The following SLCO1A2 variants were observed in gnomAD, a reference collection of about 807,000 sequenced individuals.
SLCO1A2 encodes OATP-1.
Under a neutral mutation model 69.0 loss-of-function variants are expected in SLCO1A2, and 67 were observed. The observed-to-expected ratio is 0.97, with a 90% CI of 0.80 to 1.19. SLCO1A2 has a LOEUF of 1.19. Ranked by LOEUF, SLCO1A2 falls within the 50% of genes most tolerant of loss-of-function variation. SLCO1A2 has a pLI of 0.00. For synonymous variants in SLCO1A2, 260 were observed against 265.9 expected (o/e 0.98, Z 0.22); for missense variants, 787 against 793.7 (o/e 0.99, Z 0.10).
intron 1 of SLCO1A2, among the ~76,000 whole-genome samples, chr12:21,401,073 C>A (rs1299930890): frequency 6.6e-6 from 1 of 151,266 alleles, no homozygotes; most frequent in Non-Finnish European, 1.5e-5. Context: ...ATAAAGGTTC[C>A]CAGCTAATAT....
In SLCO1A2 at chr12:21,292,340, C is replaced by A; in HGVS notation, c.1438-4G>T. 1 of 1,600,956 alleles carries A rather than the reference C, an allele frequency of 6.2e-7. No individual in the cohort carries two copies. Among genetic ancestry groups the A allele is most frequent in the Admixed American group, 1.8e-5 (1 of 57,036 alleles). ...TACAGCTGCAATTTTGGAACACCTG[C>A]CAAAAAATAACATATTATACTAAGA... is the stretch of plus-strand genomic sequence containing the variant. On this transcript the variant is annotated splice_region_variant and splice_polypyrimidine_tract_variant and intron_variant, in intron 11 of 14. Coordinates refer to ENST00000683939, the MANE Select transcript of SLCO1A2 (RefSeq NM_001386879.1).
chr12:21,309,785 T>C (rs1949877449), intron 4 of SLCO1A2, among the ~76,000 whole-genome samples: 1 of 151,960 alleles, frequency 6.6e-6, no homozygotes, highest in Non-Finnish European at 1.5e-5. Flanking sequence ...AAAAAGCAAA[T>C]TCTCAAGGAT....
chr12:21,312,909 A>G (rs374798940), intron 4 of SLCO1A2, among the ~76,000 whole-genome samples: 12 of 152,076 alleles, frequency 7.9e-5, no homozygotes, highest in African/African-American at 2.9e-4. Context: ...TCCTGTCTCT[A>G]CCAAAAAAAT....
At position 21,409,902 on chromosome 12, in the gene SLCO1A2, G is replaced by T. The variant is rs145682315; in HGVS notation, c.-312+7980C>A. On this transcript the variant is annotated intron_variant, in intron 1 of 4. Transcript: ENST00000413682. ...CAATGAGCATTAATTTGTCAGGTGT[G>T]GTGTCCCATACATTTTTTCCTGTGC... Among the ~76,000 whole-genome samples the T allele has an allele frequency of 3.3e-3, 498 of 152,064 alleles. 6 individuals carry two copies. The highest frequency in any genetic ancestry group is 0.011 in the African/African-American group (476 of 41,464).
In SLCO1A2 at chr12:21,303,972, A is replaced by G. The variant is rs114925264; in HGVS notation, c.589+455T>C. Among the ~76,000 whole-genome samples the G allele has an allele frequency of 8.5e-3, 1,294 of 152,312 alleles. 13 individuals are homozygous for G. The highest frequency in any genetic ancestry group is 0.028 in the African/African-American group (1,181 of 41,556). Reference sequence around the variant, plus strand: ...ATTAAAACAATGCTTGAGAAAAATTATATTGCAAGAATGTTTCTTAAAAAC... The same window carrying G: ...ATTAAAACAATGCTTGAGAAAAATTGTATTGCAAGAATGTTTCTTAAAAAC... On this transcript the variant is annotated intron_variant, in intron 6 of 14. Coordinates refer to ENST00000683939, the MANE Select transcript of SLCO1A2 (RefSeq NM_001386879.1).
chr12:21,364,559 A>T (rs1254694635), intron 2 of SLCO1A2, among the ~76,000 whole-genome samples: 1 of 152,204 alleles, frequency 6.6e-6, no homozygotes, highest in East Asian at 1.9e-4. Context: ...GCAATCAGGG[A>T]AGAGAAAGAA....
chr12:21,339,054 T>C (rs187662450), upstream of SLCO1A2, among the ~76,000 whole-genome samples: 11 of 152,154 alleles, frequency 7.2e-5, no homozygotes, highest in Admixed American at 7.2e-4. Context: ...TTTGCAAGAT[T>C]GTCATGAAGA....
chr12:21,411,453 T>C (rs188324111), intron 1 of SLCO1A2, among the ~76,000 whole-genome samples: 3 of 152,208 alleles, frequency 2.0e-5, no homozygotes, highest in African/African-American at 2.4e-5. Context: ...GCTCATTCTA[T>C]TACACTGTGT....
chr12:21,272,151 C>CT (rs1246384788), intron 14 of SLCO1A2, among the ~76,000 whole-genome samples: 4 of 151,188 alleles, frequency 2.6e-5, no homozygotes, highest in Non-Finnish European at 4.4e-5. Flanking sequence ...GGTATCAATA[C>CT]TTTTTTTTAA....
intron 12 of SLCO1A2, among the ~76,000 whole-genome samples, chr12:21,288,180 G>A (rs1036562656): frequency 2.0e-5 from 3 of 152,104 alleles, no homozygotes; most frequent in Non-Finnish European, 4.4e-5. Flanking sequence ...GATAGCTCAT[G>A]CCTGTAATCC....
At chr12:21,286,005 C>T (rs1945714163) in intron 12 of SLCO1A2, among the ~76,000 whole-genome samples, 1 of 152,060 alleles carries the variant, frequency 6.6e-6, no homozygotes, top group South Asian at 2.1e-4. Flanking sequence ...GAAGTTCTGG[C>T]CAGGGCAATC....
chr12:21,408,707 C>CGCAT (rs1458943128), intron 1 of SLCO1A2, among the ~76,000 whole-genome samples: 1 of 118,268 alleles, frequency 8.5e-6, no homozygotes, highest in Non-Finnish European at 1.8e-5. Flanking sequence ...GCTGCCTCAG[C>CGCAT]GCATGCGTGT....
intron 1 of SLCO1A2, among the ~76,000 whole-genome samples, chr12:21,377,056 A>T (rs1201150264): frequency 6.6e-6 from 1 of 152,210 alleles, no homozygotes; most frequent in African/African-American, 2.4e-5. Flanking sequence ...TTAAATAAAA[A>T]CATAAGTTAA....
intron 11 of SLCO1A2, among the ~76,000 whole-genome samples, chr12:21,292,759 C>A (rs900902011): frequency 5.3e-5 from 8 of 152,118 alleles, no homozygotes; most frequent in African/African-American, 1.7e-4. Context: ...CCATTCCCAG[C>A]TACATTTTGT....
chr12:21,332,042 G>A (rs544363903), intron 2 of SLCO1A2, among the ~76,000 whole-genome samples: 1 of 152,186 alleles, frequency 6.6e-6, no homozygotes, highest in South Asian at 2.1e-4. Context: ...CTGCTAATTT[G>A]TGAACCCAAA....
intron 9 of SLCO1A2, among the ~76,000 whole-genome samples, chr12:21,296,945 G>T (rs1947807800): frequency 6.6e-6 from 1 of 152,126 alleles, no homozygotes; most frequent in African/African-American, 2.4e-5. Flanking sequence ...GTGGTTGCAG[G>T]AAAAGCCGAA....
intron 1 of SLCO1A2, chr12:21,403,596 G>A (rs1405323838): frequency 2.0e-5 from 3 of 151,038 alleles, no homozygotes; most frequent in African/African-American, 7.3e-5. Flanking sequence ...GTTTATGTAA[G>A]TTTTAAACCT....
chr12:21,299,803 TATATATACACACACAC>T (rs777576917), intron 8 of SLCO1A2, among the ~76,000 whole-genome samples: 11,140 of 141,922 alleles, frequency 0.078, 1,039 homozygotes, highest in East Asian at 0.35. Flanking sequence ...CACACACGTA[TATATATACACACACAC>T]ATATACACAC....
chr12:21,337,808 A>C (rs1408015043), upstream of SLCO1A2, among the ~76,000 whole-genome samples: 2 of 152,044 alleles, frequency 1.3e-5, no homozygotes, highest in Non-Finnish European at 2.9e-5. Context: ...ATTCAGTCTT[A>C]TAAATATAAG....
Sources: allele counts gnomAD v4.1 joint callset (sites outside exome capture counted in the v4.1 genomes callset), GRCh38; gene constraint gnomAD v4.1.1; transcripts MANE v1.5; gene names NCBI Gene and HGNC (gene_info 2026-07-23, HGNC 2026-07-21).